The following MICU1 variants were observed in gnomAD, a reference collection of about 807,000 sequenced individuals.
MICU1 encodes the protein calcium uptake protein 1, mitochondrial.
In MICU1, 45 loss-of-function variants were observed where a neutral mutation model predicts 56.8. That is an observed-to-expected ratio of 0.79 (90% CI 0.62 to 1.02). The LOEUF (loss-of-function observed/expected upper bound fraction) is 1.02, where lower values mean the gene tolerates loss of function less well. MICU1 is among the 50% of genes least tolerant of loss of function. The pLI is 0.00. For synonymous variants in MICU1, 186 were observed against 195.1 expected, an observed-to-expected ratio of 0.95 and a Z score of 0.39; for missense variants, 504 against 587.1, an observed-to-expected ratio of 0.86 and a Z score of 1.46.
intron 8 of MICU1, among the ~76,000 whole-genome samples, chr10:72,456,036 G>A (rs1865448008): frequency 6.6e-6 from 1 of 152,186 alleles, no homozygotes. Context: ...GGAAGGGAAT[G>A]AGGTTGCAAC....
At chr10:72,558,452 A>C (rs1840212777) in intron 3 of MICU1, among the ~76,000 whole-genome samples, 1 of 152,218 alleles carries the variant, frequency 6.6e-6, no homozygotes, top group African/African-American at 2.4e-5. Flanking sequence ...AACGGCAGTA[A>C]GTGTGCAGAA....
intron 1 of MICU1, among the ~76,000 whole-genome samples, chr10:72,600,884 G>A (rs924233843): frequency 3.3e-5 from 5 of 152,158 alleles, no homozygotes; most frequent in African/African-American, 1.2e-4. Context: ...CCGTAGATAA[G>A]GGGGAACTAC....
intron 11 of MICU1, among the ~76,000 whole-genome samples, chr10:72,368,756 A>T (rs147783741): frequency 1.3e-5 from 2 of 152,260 alleles, no homozygotes; most frequent in East Asian, 3.9e-4. Flanking sequence ...GCTGAGGGTA[A>T]TGCAAATACA....
chr10:72,437,066 G>A (rs966692889), intron 8 of MICU1, among the ~76,000 whole-genome samples: 2 of 152,094 alleles, frequency 1.3e-5, no homozygotes, highest in African/African-American at 2.4e-5. Flanking sequence ...GATACTCCTC[G>A]AGAAGAGCAG....
intron 5 of MICU1, among the ~76,000 whole-genome samples, chr10:72,515,769 A>C (rs933787748): frequency 1.3e-5 from 2 of 152,162 alleles, no homozygotes; most frequent in Admixed American, 1.3e-4. Context: ...GAAAAGCAAA[A>C]ATCTAATGTA....
intron 8 of MICU1, among the ~76,000 whole-genome samples, chr10:72,474,884 A>G (rs1165676575): frequency 1.3e-5 from 2 of 152,204 alleles, no homozygotes; most frequent in African/African-American, 4.8e-5. Flanking sequence ...TTTTCAATTT[A>G]GAGGTTTTTG....
chr10:72,443,431 A>G (rs1865004864), intron 8 of MICU1, among the ~76,000 whole-genome samples: 1 of 152,232 alleles, frequency 6.6e-6, no homozygotes, highest in African/African-American at 2.4e-5. Flanking sequence ...TGTTTTAGAC[A>G]TGAAGTCCTT....
chr10:72,556,330 C>T, intron 3 of MICU1, among the ~76,000 whole-genome samples: 1 of 151,932 alleles, frequency 6.6e-6, no homozygotes, highest in East Asian at 1.9e-4. Context: ...ACATAAATTC[C>T]AATATTAACA....
At chr10:72,413,458 C>T (rs1026752186) in intron 9 of MICU1, among the ~76,000 whole-genome samples, 5 of 152,144 alleles carry the variant, frequency 3.3e-5, no homozygotes, top group Non-Finnish European at 5.9e-5. Context: ...CCAGGTCGGG[C>T]GCAGTGGCTC....
chr10:72,586,628 G>A (rs1400087631), intron 1 of MICU1, among the ~76,000 whole-genome samples: 2 of 151,476 alleles, frequency 1.3e-5, no homozygotes, highest in Non-Finnish European at 2.9e-5. Context: ...CTCCGGCCTG[G>A]GCAACAGAGC....
At position 72,477,420 on chromosome 10, in the gene MICU1, T is replaced by G. The variant is rs527628734; in HGVS notation, c.653-164A>C. On this transcript the variant is annotated intron_variant, in intron 6 of 11. Transcript: ENST00000361114. ...GAAAATGAAACTGCATTTATTGAGA[T>G]CACCCTTTTAGGAATACTCCTTGAA... 5 of 1,285,896 alleles carry G rather than the reference T, an allele frequency of 3.9e-6. No individual in the cohort carries two copies. In the African/African-American group the frequency reaches 7.4e-5, roughly 19 times the overall value. The allele number at this position is 1,285,896 out of a possible 1,614,324, so 79.7% of individuals were successfully genotyped here.
intron 5 of MICU1, among the ~76,000 whole-genome samples, chr10:72,512,107 G>GTTTTTTTTTTTTTTTTTTTTTTTT (rs869183579): frequency 1.4e-4 from 4 of 29,524 alleles, no homozygotes; most frequent in African/African-American, 3.7e-4. Context: ...GTTGTTTTTT[G>GTTTTTTTTTTTTTTTTTTTTTTTT]TTTTTTTTTT....
chr10:72,431,561 G>C (rs539046482), intron 8 of MICU1, among the ~76,000 whole-genome samples: 2 of 152,280 alleles, frequency 1.3e-5, no homozygotes, highest in African/African-American at 4.8e-5. Flanking sequence ...CAAGAGTTCT[G>C]AGACTAGGGT....
At chr10:72,448,193 AT>A (rs71018289) in intron 8 of MICU1, among the ~76,000 whole-genome samples, 178 of 36,816 alleles carry the variant, frequency 4.8e-3, no homozygotes, top group African/African-American at 0.016. Flanking sequence ...ATATATATAT[AT>A]TTTTTTTTTT....
rs181173889 is a variant in MICU1, at chr10:72,544,503, T to C, written c.493+6676A>G. ...GATAATAAGGTCAGCCAGTTGGATA[T>C]GGTGGAAAGAAAATAGAGATCCTCT... On this transcript the variant is annotated intron_variant, in intron 4 of 11. Transcript: ENST00000361114. Among the ~76,000 whole-genome samples, 650 of 152,272 alleles carry C rather than the reference T, an allele frequency of 4.3e-3. 4 individuals are homozygous for C. The highest frequency in any genetic ancestry group is 6.2e-3 in the Non-Finnish European group (422 of 68,024).
chr10:72,421,017 A>C, intron 9 of MICU1, among the ~76,000 whole-genome samples: 1 of 73,104 alleles, frequency 1.4e-5, no homozygotes, highest in Admixed American at 1.3e-4. Context: ...AAAAAAAAAA[A>C]ATAATAATAA....
chr10:72,507,054 G>C (rs1589289219), intron 6 of MICU1, among the ~76,000 whole-genome samples: 1 of 151,834 alleles, frequency 6.6e-6, no homozygotes, highest in Admixed American at 6.6e-5. Context: ...GGCAGGACAT[G>C]TATATGCCAC....
chr10:72,591,710 T>C (rs1245789786), intron 1 of MICU1, among the ~76,000 whole-genome samples: 1 of 152,032 alleles, frequency 6.6e-6, no homozygotes, highest in Non-Finnish European at 1.5e-5. Context: ...AATTAGTAGA[T>C]TAAATCAGTA....
intron 4 of MICU1, among the ~76,000 whole-genome samples, chr10:72,549,930 C>CAAAAAAAAA (rs60734797): frequency 5.3e-4 from 59 of 111,310 alleles, no homozygotes; most frequent in East Asian, 2.8e-3. Context: ...AACTCCATCT[C>CAAAAAAAAA]AAAAAAAAAA....
Sources: allele counts gnomAD v4.1 joint callset (sites outside exome capture counted in the v4.1 genomes callset), GRCh38; gene constraint gnomAD v4.1.1; transcripts MANE v1.5; gene names NCBI Gene and HGNC (gene_info 2026-07-23, HGNC 2026-07-21).